Variants in NRXN1 observed in about 807,000 individuals in gnomAD.
NRXN1 encodes neurexin-1.
Under a neutral mutation model 150.9 loss-of-function variants are expected in NRXN1, and 39 were observed. The ratio of observed to expected loss-of-function variants is 0.26; its 90% CI spans 0.20 to 0.34. The LOEUF (loss-of-function observed/expected upper bound fraction) is 0.34. Among genes scored for constraint, NRXN1 ranks in the 10% least tolerant of loss-of-function variants. The probability of loss-of-function intolerance (pLI) is 1.00; values close to 1 mark genes in which losing one functional copy is unlikely to be tolerated. For missense variants in NRXN1, 1,815 were observed against 1,949.9 expected (o/e 0.93, Z 1.30); for synonymous variants, 924 against 757.0 (o/e 1.22, Z -3.62).
chr2:51,020,058 GT>G (rs553974870), intron 2 of NRXN1, among the ~76,000 whole-genome samples: 59 of 144,676 alleles, frequency 4.1e-4, no homozygotes, highest in South Asian at 1.3e-3. Flanking sequence ...AATTTGAAAG[GT>G]TTTTTTTTTT....
intron 17 of NRXN1, among the ~76,000 whole-genome samples, chr2:50,422,495 G>C (rs1422989060): frequency 1.3e-5 from 2 of 152,082 alleles, no homozygotes; most frequent in African/African-American, 4.8e-5. Flanking sequence ...CATCGAAGAG[G>C]AAAACTCAAA....
chr2:50,420,659 C>T (rs1047418805), intron 17 of NRXN1, among the ~76,000 whole-genome samples: 3 of 151,982 alleles, frequency 2.0e-5, no homozygotes, highest in Non-Finnish European at 4.4e-5. Flanking sequence ...GGATGAGGTT[C>T]TAGCATTGTG....
At chr2:50,208,958 G>T (rs2062816124) in intron 18 of NRXN1, among the ~76,000 whole-genome samples, 1 of 151,874 alleles carries the variant, frequency 6.6e-6, no homozygotes, top group East Asian at 1.9e-4. Flanking sequence ...TTTCATATTT[G>T]CAGCAAATGT....
At chr2:50,303,209 T>G (rs1400471938) in intron 17 of NRXN1, among the ~76,000 whole-genome samples, 4 of 152,176 alleles carry the variant, frequency 2.6e-5, no homozygotes, top group African/African-American at 9.6e-5. Context: ...GCTATCTGCA[T>G]AATTAATCAG....
At chr2:50,856,979 C>T (rs957344193) in intron 5 of NRXN1, among the ~76,000 whole-genome samples, 1 of 152,032 alleles carries the variant, frequency 6.6e-6, no homozygotes, top group African/African-American at 2.4e-5. Flanking sequence ...GAGACAAATG[C>T]CCTTTTACAT....
intron 18 of NRXN1, among the ~76,000 whole-genome samples, chr2:50,139,392 T>C (rs931353998): frequency 6.7e-6 from 1 of 148,372 alleles, no homozygotes; most frequent in Non-Finnish European, 1.5e-5. Context: ...TGTTATTCCA[T>C]CACGTAGGAT....
intron 21 of NRXN1, among the ~76,000 whole-genome samples, chr2:50,014,745 C>A (rs932336684): frequency 6.6e-6 from 1 of 152,074 alleles, no homozygotes; most frequent in Non-Finnish European, 1.5e-5. Flanking sequence ...TCCCTGTGAA[C>A]TCCAGCGACT....
chr2:50,566,644 G>A (rs550621353), intron 8 of NRXN1, among the ~76,000 whole-genome samples: 1 of 152,160 alleles, frequency 6.6e-6, no homozygotes, highest in Non-Finnish European at 1.5e-5. Flanking sequence ...AAACTTCTAC[G>A]TCTCATGACA....
At chr2:50,238,358 C>A (rs1282627875) in intron 17 of NRXN1, among the ~76,000 whole-genome samples, 2 of 152,024 alleles carry the variant, frequency 1.3e-5, no homozygotes, top group Non-Finnish European at 2.9e-5. Flanking sequence ...CTAAAATCTA[C>A]ATCGTTGTTT....
chr2:50,189,368 G>A (rs575482996), intron 18 of NRXN1, among the ~76,000 whole-genome samples: 35 of 152,192 alleles, frequency 2.3e-4, no homozygotes, highest in Middle Eastern at 3.4e-3. Flanking sequence ...GCCTGCTGGG[G>A]GTTGGGGGGT....
chr2:50,925,537 A>C (rs1686730753), intron 3 of NRXN1, among the ~76,000 whole-genome samples: 1 of 151,920 alleles, frequency 6.6e-6, no homozygotes, highest in Non-Finnish European at 1.5e-5. Context: ...AAATGAGATA[A>C]TGCTAAATTT....
intron 2 of NRXN1, among the ~76,000 whole-genome samples, chr2:50,956,203 T>C (rs1284688582): frequency 2.0e-5 from 3 of 152,144 alleles, no homozygotes; most frequent in Non-Finnish European, 4.4e-5. Context: ...TTAAAATATA[T>C]TGTTATAATT....
intron 5 of NRXN1, among the ~76,000 whole-genome samples, chr2:50,847,799 G>A (rs576791106): frequency 1.6e-4 from 25 of 152,266 alleles, no homozygotes; most frequent in Admixed American, 3.3e-4. Flanking sequence ...ACAGCAGCCA[G>A]CCGTCCACCA....
At chr2:50,297,450 C>A (rs1303927602) in intron 17 of NRXN1, among the ~76,000 whole-genome samples, 2 of 152,140 alleles carry the variant, frequency 1.3e-5, no homozygotes, top group Admixed American at 6.5e-5. Flanking sequence ...AGAACTAAAG[C>A]TCATAAAGAT....
At chr2:50,716,965 C>T (rs1192275158) in intron 5 of NRXN1, among the ~76,000 whole-genome samples, 1 of 152,010 alleles carries the variant, frequency 6.6e-6, no homozygotes, top group Non-Finnish European at 1.5e-5. Context: ...TATTTATTGG[C>T]TATTACATGC....
intron 8 of NRXN1, among the ~76,000 whole-genome samples, chr2:50,586,908 A>G (rs1024318770): frequency 6.6e-5 from 10 of 152,242 alleles, no homozygotes; most frequent in African/African-American, 2.4e-4. Context: ...TTTATGCTAG[A>G]AAATAAAATG....
intron 17 of NRXN1, among the ~76,000 whole-genome samples, chr2:50,406,444 G>C (rs149175987): frequency 6.6e-6 from 1 of 152,180 alleles, no homozygotes; most frequent in East Asian, 1.9e-4. Flanking sequence ...CTTACCTCTT[G>C]GACATTGGTG....
intron 8 of NRXN1, among the ~76,000 whole-genome samples, chr2:50,581,276 GC>G (rs1371772153): frequency 2.0e-5 from 3 of 152,076 alleles, no homozygotes; most frequent in Admixed American, 2.0e-4. Context: ...TCCTTTCTTG[GC>G]CTACAGTTTT....
chr2:50,219,482 G>A (rs1018321257), intron 18 of NRXN1, among the ~76,000 whole-genome samples: 1 of 151,814 alleles, frequency 6.6e-6, no homozygotes, highest in Non-Finnish European at 1.5e-5. Flanking sequence ...TATTGGCAAT[G>A]ACAAAATCTA....
Sources: gnomAD v4.1 joint callset for allele counts (sites outside exome capture counted in the v4.1 genomes callset) on GRCh38, gnomAD v4.1.1 for gene constraint, MANE v1.5 for transcripts, NCBI Gene and HGNC (gene_info 2026-07-23, HGNC 2026-07-21) for gene names.